GABARAP: variants seen among roughly 807,000 people sequenced by gnomAD.
GABARAP encodes GABA type A receptor-associated protein, also known as gamma-aminobutyric acid receptor-associated protein.
GABARAP carries 5 observed loss-of-function variants against 16.7 expected under a neutral mutation model. The ratio of observed to expected loss-of-function variants is 0.30; its 90% CI spans 0.16 to 0.63. The LOEUF is 0.63. Among genes scored for constraint, GABARAP ranks in the 20% least tolerant of loss-of-function variants. The pLI, the probability that GABARAP is intolerant of heterozygous loss-of-function variation, is 0.82. For missense variants in GABARAP, 84 were observed against 146.6 expected (o/e 0.57, Z 2.21); for synonymous variants, 45 against 52.7 (o/e 0.85, Z 0.64).
intron 2 of GABARAP, 53 bp downstream of exon 2, chr17:7,241,548 G>C (rs1365815838): frequency 2.9e-6 from 4 of 1,398,758 alleles, no homozygotes; most frequent in Non-Finnish European, 4.1e-6. Flanking sequence ...CTCCCGCAGA[G>C]ACTGCACTCC....
rs1289963770 is a variant in GABARAP at position 7,240,741 on chromosome 17, C to T, written c.*113G>A. 5 of 727,692 alleles carry T rather than the reference C, an allele frequency of 6.9e-6. No individual in the cohort carries two copies. The highest frequency in any genetic ancestry group is 2.2e-5 in the Admixed American group (1 of 45,942). The allele number at this position is 727,692 out of a possible 1,614,324, so 45.1% of individuals were successfully genotyped here. On this transcript the variant is annotated 3_prime_UTR_variant, in exon 4 of 4. Transcript: ENST00000302386. ...GAAAGCCACAAACATTAAGAAGTGC[C>T]GGTCCTGAATAAGGGAGGTGGTGTT...
In GABARAP at chr17:7,240,158, C is replaced by A. The variant is rs2071761359; in HGVS notation, c.*696G>T. ...AAAAAAAAATTTTTTTTTACATGAGCATTTTTAACATTTAGTTTCACATGC... is the reference window on the plus strand; with the variant it reads ...AAAAAAAAATTTTTTTTTACATGAGAATTTTTAACATTTAGTTTCACATGC... On this transcript the variant is annotated 3_prime_UTR_variant, in exon 4 of 4. Coordinates refer to ENST00000302386, the MANE Select transcript of GABARAP (RefSeq NM_007278.2). The A allele has an allele frequency of 6.6e-6, 1 of 152,176 alleles. No individual in the cohort carries two copies. Among genetic ancestry groups the A allele is most frequent in the Non-Finnish European group, 1.5e-5 (1 of 68,036 alleles). 9.4% of individuals were successfully genotyped at this position (152,176 alleles called of 1,614,324 possible).
rs1363711925 is a variant in GABARAP at position 7,240,199 on chromosome 17, A to C, written c.*655T>G. The C allele has an allele frequency of 1.3e-5, 2 of 152,278 alleles. No individual in the cohort carries two copies. The highest frequency in any genetic ancestry group is 2.9e-5 in the Non-Finnish European group (2 of 68,044). 9.4% of individuals were successfully genotyped at this position (152,278 alleles called of 1,614,324 possible). ...TTTCACATGCGTGTTATAAAACTAA[A>C]GTTTCAAGAAATAATCCTCAGTATT... On this transcript the variant is annotated 3_prime_UTR_variant, in exon 4 of 4. Transcript: ENST00000302386.
Position 7,242,393 on chromosome 17 carries a change from GCGGCGACGA to G in GABARAP, c.-72_-64del. ...GAACCCAGGGGGGCCGGGACGGGGG[GCGGCGACGA>G]CGGCGGCGACGCGCGGGCGGATTCA... On this transcript the variant is annotated 5_prime_UTR_variant, in exon 1 of 4. Transcript: ENST00000302386. The G allele has an allele frequency of 7.7e-6, 10 of 1,292,460 alleles. No homozygotes were observed. The highest frequency in any genetic ancestry group is 1.1e-5 in the Non-Finnish European group (10 of 897,718). The allele number at this position is 1,292,460 out of a possible 1,614,324, so 80.1% of individuals were successfully genotyped here. A position where few individuals can be genotyped will look rare whatever the true frequency, so the allele number is the denominator to read the frequency against.
rs758486874 is a variant in GABARAP, at chr17:7,241,459, A to G, written c.171T>C (p.Val57=). Residue 57 remains valine (V), a splice_region_variant and synonymous_variant, in exon 3 of 4, where the codon GTT becomes GTC. Coordinates refer to ENST00000302386, the MANE Select transcript of GABARAP (RefSeq NM_007278.2). ...TCCGGATCAAGAAGTAGAACTGACC[A>G]ACTGCAAAAGATACAAGATGCAAGA... ...KKYLVPSDLT[V]GQFYFLIRKR... is the part of the protein sequence containing the mutation. 7.3e-6 allele frequency: 11 copies of G among 1,509,916 alleles called. No homozygotes were observed. The South Asian group carries it at 1.2e-4, about 17-fold the overall frequency. The allele number at this position is 1,509,916 out of a possible 1,614,324, so 93.5% of individuals were successfully genotyped here.
intron 3 of GABARAP, chr17:7,241,138 G>A (rs970689801): frequency 1.6e-5 from 11 of 680,028 alleles, no homozygotes; most frequent in African/African-American, 8.9e-5. Flanking sequence ...GAAGAGTCCC[G>A]AACAGATAGT....
rs539178327 is a variant in GABARAP at position 7,241,184 on chromosome 17, T to A, written c.288+158A>T. 12 of 691,126 alleles carry A rather than the reference T, an allele frequency of 1.7e-5. No homozygotes were observed. The South Asian group carries it at 2.0e-4, about 12-fold the overall frequency. 42.8% of individuals were successfully genotyped at this position (691,126 alleles called of 1,614,324 possible). A position where few individuals can be genotyped will look rare whatever the true frequency, so the allele number is the denominator to read the frequency against. On this transcript the variant is annotated intron_variant, in intron 3 of 3. Transcript: ENST00000302386. Reference sequence around the variant, plus strand: ...CACTGTTCTCTTTCCTTCTCTCTACTCCTACTGTTCTGTCCAAACCCCCAA... The same window carrying A: ...CACTGTTCTCTTTCCTTCTCTCTACACCTACTGTTCTGTCCAAACCCCCAA...
rs2071763084 is a variant in GABARAP at position 7,240,365 on chromosome 17, T to A, written c.*489A>T. 1 of 158,912 alleles carries A rather than the reference T, an allele frequency of 6.3e-6. No homozygotes were observed. Among genetic ancestry groups the A allele is most frequent in the South Asian group, 1.5e-4 (1 of 6,482 alleles). The allele number at this position is 158,912 out of a possible 1,614,324, so 9.8% of individuals were successfully genotyped here. ...CCCACCACTGAAACCCACTGACACCTTGGAAAGACTTAAAATCAGCGGGAC... is the reference window on the plus strand; with the variant it reads ...CCCACCACTGAAACCCACTGACACCATGGAAAGACTTAAAATCAGCGGGAC... On this transcript the variant is annotated 3_prime_UTR_variant, in exon 4 of 4. Transcript: ENST00000302386.
Position 7,240,922 on chromosome 17 carries a change from G to A in GABARAP, c.289-3C>T. 6.2e-7 allele frequency: 1 copy of A among 1,608,934 alleles called. No individual in the cohort carries two copies. The highest frequency in any genetic ancestry group is 8.5e-7 in the Non-Finnish European group (1 of 1,175,414). ...AAGAAGTCTTCTTCATGGTGTTCCT[G>A]GGATGAAAGCAGAAAACTGTTCAGC... On this transcript the variant is annotated splice_polypyrimidine_tract_variant and splice_region_variant and intron_variant, in intron 3 of 3. Transcript: ENST00000302386.
Position 7,240,676 on chromosome 17 carries a change from T to C in GABARAP, c.*178A>G. On this transcript the variant is annotated 3_prime_UTR_variant, in exon 4 of 4. Transcript: ENST00000302386. Reference sequence around the variant, plus strand: ...GAAAGGAGAAAGGAGAGTTACAAGATGCCAACTCCACCATTACCCCTCCTA... The same window carrying C: ...GAAAGGAGAAAGGAGAGTTACAAGACGCCAACTCCACCATTACCCCTCCTA... 1 of 581,452 alleles carries C rather than the reference T, an allele frequency of 1.7e-6. No individual in the cohort carries two copies. The highest frequency in any genetic ancestry group is 3.1e-6 in the Non-Finnish European group (1 of 324,506). 36.0% of individuals were successfully genotyped at this position (581,452 alleles called of 1,614,324 possible). A position where few individuals can be genotyped will look rare whatever the true frequency, so the allele number is the denominator to read the frequency against.
chr17:7,242,097 G>A, intron 1 of GABARAP, 144 bp downstream of exon 1: 1 of 641,496 alleles, frequency 1.6e-6, no homozygotes, highest in Non-Finnish European at 2.8e-6. Context: ...TTTCATCCTG[G>A]GTCCCAAGGA....
chr17:7,240,826 AC>A lies in GABARAP; in HGVS notation c.*27del, dbSNP rs774769167. On this transcript the variant is annotated 3_prime_UTR_variant, in exon 4 of 4. Transcript: ENST00000302386. ...GCCACCTCTCTCTTTGTAGAATGAGACCCCCCTCCAGCTCAGGGGCAGCAGC... is the reference window on the plus strand; with the variant it reads ...GCCACCTCTCTCTTTGTAGAATGAGACCCCCTCCAGCTCAGGGGCAGCAGC... 6 of 1,523,054 alleles carry A rather than the reference AC, an allele frequency of 3.9e-6. No individual in the cohort carries two copies. The highest frequency in any genetic ancestry group is 2.3e-5 in the East Asian group (1 of 44,370). 94.3% of individuals were successfully genotyped at this position (1,523,054 alleles called of 1,614,324 possible). A position where few individuals can be genotyped will look rare whatever the true frequency, so the allele number is the denominator to read the frequency against.
chr17:7,241,937 T>G, intron 1 of GABARAP: 1 of 594,856 alleles, frequency 1.7e-6, no homozygotes, highest in Non-Finnish European at 3.0e-6. Context: ...CTTGTTTGGG[T>G]CGACTAGTGA....
In GABARAP at chr17:7,240,780, G is replaced by A; in HGVS notation, c.*74C>T. On this transcript the variant is annotated 3_prime_UTR_variant, in exon 4 of 4. Transcript: ENST00000302386. ...GGAGGTGGTGTTTGAGCTTGAAGGAGGAGGAGGTCAAGAAAGGGGGGCCAC... is the reference window on the plus strand; with the variant it reads ...GGAGGTGGTGTTTGAGCTTGAAGGAAGAGGAGGTCAAGAAAGGGGGGCCAC... 1 of 936,254 alleles carries A rather than the reference G, an allele frequency of 1.1e-6. No homozygotes were observed. The highest frequency in any genetic ancestry group is 1.8e-6 in the Non-Finnish European group (1 of 567,742). 58.0% of individuals were successfully genotyped at this position (936,254 alleles called of 1,614,324 possible). A position where few individuals can be genotyped will look rare whatever the true frequency, so the allele number is the denominator to read the frequency against.
rs1254220292 is a variant in GABARAP, at chr17:7,242,354, G to A, written c.-24C>T. ...ATCCTCCCGGGAACCGGGCTGGACA[G>A]GGCTGGGCTGAGGGAACCCAGGGGG... On this transcript the variant is annotated 5_prime_UTR_variant, in exon 1 of 4. Transcript: ENST00000302386. 7.5e-6 allele frequency: 12 copies of A among 1,592,778 alleles called. No individual in the cohort carries two copies. Among genetic ancestry groups the A allele is most frequent in the Non-Finnish European group, 9.5e-6 (11 of 1,161,316 alleles).
chr17:7,240,882 T>A lies in GABARAP; in HGVS notation c.326A>T (p.Tyr109Phe). The A allele has an allele frequency of 5.0e-6, 8 of 1,613,030 alleles. No homozygotes were observed. The highest frequency in any genetic ancestry group is 6.8e-6 in the Non-Finnish European group (8 of 1,179,092). ...CAGACCGTAGACACTTTCGTCACTG[T>A]AGGCAATGTAGAGAAAGAAGTCTTC... is the stretch of plus-strand genomic sequence containing the variant. ...HEEDFFLYIA[Y>F]SDESVYGL Residue 109 changes from tyrosine to phenylalanine, a missense_variant, in exon 4 of 4, where the codon TAC becomes TTC. By Grantham distance (22) the Tyr-to-Phe change is conservative (BLOSUM62 3). Transcript: ENST00000302386.
chr17:7,242,075 C>G lies in GABARAP; in HGVS notation c.90+166G>C, dbSNP rs537636887. The G allele has an allele frequency of 1.5e-3, 928 of 620,576 alleles. 1 individual carries two copies. Among genetic ancestry groups the G allele is most frequent in the Admixed American group, 2.3e-3 (81 of 35,826 alleles). 38.4% of individuals were successfully genotyped at this position (620,576 alleles called of 1,614,324 possible). A position where few individuals can be genotyped will look rare whatever the true frequency, so the allele number is the denominator to read the frequency against. ...ATCCCTCTCAACCCCACATCCACCACTACCCCACTCCTTTCATCCTGGGTC... is the reference window on the plus strand; with the variant it reads ...ATCCCTCTCAACCCCACATCCACCAGTACCCCACTCCTTTCATCCTGGGTC... On this transcript the variant is annotated intron_variant, in intron 1 of 3. Transcript: ENST00000302386.
chr17:7,242,214 G>C (rs768397822), intron 1 of GABARAP, 27 bp downstream of exon 1: 35 of 1,540,174 alleles, frequency 2.3e-5, no homozygotes, highest in Non-Finnish European at 2.9e-5. Context: ...AGCGTCCCGC[G>C]CCCTCGGCCC....
In GABARAP at chr17:7,241,697, A is replaced by G; in HGVS notation, c.91-18T>C. 1 of 1,492,612 alleles carries G rather than the reference A, an allele frequency of 6.7e-7. No homozygotes were observed. The highest frequency in any genetic ancestry group is 9.4e-7 in the Non-Finnish European group (1 of 1,069,070). The allele number at this position is 1,492,612 out of a possible 1,614,324, so 92.5% of individuals were successfully genotyped here. On this transcript the variant is annotated intron_variant, in intron 1 of 3. Coordinates refer to ENST00000302386, the MANE Select transcript of GABARAP (RefSeq NM_007278.2). ...ACTATCACCTGATAAAGAGATGAAA[A>G]TTAGGAGACAGAAGGAATGCAGCCC...
Sources: gnomAD v4.1 joint callset for allele counts on GRCh38, gnomAD v4.1.1 for gene constraint, MANE v1.5 for transcripts, NCBI Gene and HGNC (gene_info 2026-07-23, HGNC 2026-07-21) for gene names.